Variants in RBM34 observed in about 807,000 individuals in gnomAD.
RBM34 encodes the protein RNA-binding protein 34.
Under a neutral mutation model 44.6 loss-of-function variants are expected in RBM34, and 39 were observed. The observed-to-expected ratio is 0.87, with a 90% CI of 0.68 to 1.14. The LOEUF (loss-of-function observed/expected upper bound fraction) is 1.14, where lower values mean the gene tolerates loss of function less well. RBM34 is among the 50% of genes most tolerant of loss of function. The pLI is 0.00. For synonymous variants in RBM34, 194 were observed against 184.0 expected (o/e 1.05, Z -0.44); for missense variants, 572 against 517.9 (o/e 1.10, Z -1.01).
intron 8 of RBM34, among the ~76,000 whole-genome samples, chr1:235,136,302 T>G (rs868665922): frequency 1.3e-5 from 2 of 152,078 alleles, no homozygotes; most frequent in Non-Finnish European, 2.9e-5. Flanking sequence ...TGACACACGG[T>G]AGGGATCAGG....
At chr1:235,155,488 C>A (rs200127571) in intron 3 of RBM34, among the ~76,000 whole-genome samples, 2 of 146,254 alleles carry the variant, frequency 1.4e-5, no homozygotes, top group East Asian at 4.0e-4. Context: ...ACCACAGGCG[C>A]ATGCCCCCAC....
At chr1:235,151,148 G>A (rs1662143297) in intron 5 of RBM34, among the ~76,000 whole-genome samples, 1 of 152,142 alleles carries the variant, frequency 6.6e-6, no homozygotes, top group Non-Finnish European at 1.5e-5. Flanking sequence ...AGAAAGGAAT[G>A]ACTCATATTA....
chr1:235,155,830 T>TATATATATATATAG (rs1662393503), intron 3 of RBM34, among the ~76,000 whole-genome samples: 1 of 18,214 alleles, frequency 5.5e-5, no homozygotes, highest in Non-Finnish European at 8.8e-5. Flanking sequence ...TACATATATA[T>TATATATATATATAG]ATATATATAT....
At chr1:235,142,520 C>G (rs897217708) in intron 6 of RBM34, among the ~76,000 whole-genome samples, 1 of 151,620 alleles carries the variant, frequency 6.6e-6, no homozygotes, top group Non-Finnish European at 1.5e-5. Context: ...CTCAGGTGAT[C>G]CGCCCACCTT....
chr1:235,144,559 C>T (rs1044077370), intron 6 of RBM34, among the ~76,000 whole-genome samples: 1 of 146,620 alleles, frequency 6.8e-6, no homozygotes, highest in African/African-American at 2.5e-5. Flanking sequence ...AAAAGTTTTA[C>T]ATGGCAAAAT....
At chr1:235,155,842 T>TATATATAC (rs1662401854) in intron 3 of RBM34, among the ~76,000 whole-genome samples, 2 of 26,314 alleles carry the variant, frequency 7.6e-5, no homozygotes, top group Non-Finnish European at 1.3e-4. Flanking sequence ...TATATATATA[T>TATATATAC]ATATATATAT....
chr1:235,131,785 A>C lies in RBM34; in HGVS notation c.1221T>G (p.Ala407=). The change falls in exon 11 of 11, where the codon GCT becomes GCG. Residue 407 remains alanine (A), a synonymous_variant. Transcript: ENST00000408888. The stretch of plus-strand genomic sequence containing the variant: ...CTTTCTTCTTCGTTTTAAGGAGAAC[A>C]GCTTTTTCTCCAATAAATAAGCTTT... ...HPKSLFIGEK[A]VLLKTKKKGQ... is the part of the protein sequence containing the mutation. The C allele has an allele frequency of 2.5e-6, 4 of 1,613,960 alleles. No homozygotes were observed. Among genetic ancestry groups the C allele is most frequent in the Non-Finnish European group, 3.4e-6 (4 of 1,179,950 alleles).
intron 3 of RBM34, among the ~76,000 whole-genome samples, chr1:235,155,782 G>C (rs1662378121): frequency 7.7e-6 from 1 of 130,132 alleles, no homozygotes; most frequent in South Asian, 2.3e-4. Context: ...TGGGACTAAA[G>C]GTGTGAGCCA....
chr1:235,142,107 A>G (rs1661709118), intron 6 of RBM34, among the ~76,000 whole-genome samples: 2 of 152,194 alleles, frequency 1.3e-5, no homozygotes, highest in South Asian at 4.1e-4. Context: ...GAGGTGGGAA[A>G]CATCCTCTGC....
At chr1:235,160,317 A>G (rs1232421247) in intron 3 of RBM34, 194 bp downstream of exon 3, 1 of 752,186 alleles carries the variant, frequency 1.3e-6, no homozygotes, top group East Asian at 2.7e-5. Context: ...AGGTTAGCCA[A>G]ATATTAGTAA....
At chr1:235,138,443 G>C (rs1352852648) in intron 6 of RBM34, among the ~76,000 whole-genome samples, 1 of 152,182 alleles carries the variant, frequency 6.6e-6, no homozygotes, top group African/African-American at 2.4e-5. Context: ...ATGAATCCCT[G>C]AGAACCATAC....
chr1:235,161,192 T>G lies in RBM34; in HGVS notation c.35A>C (p.Lys12Thr). The change falls in exon 1 of 11, where the codon AAG (lysine) becomes ACG (threonine). Residue 12 changes from lysine (K) to threonine (T), a missense_variant. Coordinates refer to ENST00000408888, the MANE Select transcript of RBM34 (RefSeq NM_015014.4). ...CACTCACCCCTCCTGGACACTTCTCTTTCTCTTCCGTTTGCTCATCCCTTC... is the reference window on the plus strand; with the variant it reads ...CACTCACCCCTCCTGGACACTTCTCGTTCTCTTCCGTTTGCTCATCCCTTC... ...ALEGMSKRKRKRSVQEGENPD... is the reference protein window; with the variant it reads ...ALEGMSKRKRTRSVQEGENPD... 6.2e-6 allele frequency: 10 copies of G among 1,609,306 alleles called. No individual in the cohort carries two copies. Among genetic ancestry groups the G allele is most frequent in the Non-Finnish European group, 8.5e-6 (10 of 1,177,080 alleles).
chr1:235,134,927 A>G (rs1661352889), intron 10 of RBM34, among the ~76,000 whole-genome samples: 1 of 150,544 alleles, frequency 6.6e-6, no homozygotes, highest in African/African-American at 2.4e-5. Context: ...TATTTTTAGT[A>G]GAGATGGGGT....
At chr1:235,139,270 G>A (rs2102831698) in intron 6 of RBM34, among the ~76,000 whole-genome samples, 1 of 152,268 alleles carries the variant, frequency 6.6e-6, no homozygotes, top group Non-Finnish European at 1.5e-5. Flanking sequence ...GGAAAATAGT[G>A]CCTGACATGA....
chr1:235,145,427 C>T (rs567234209), intron 6 of RBM34, among the ~76,000 whole-genome samples: 1 of 152,022 alleles, frequency 6.6e-6, no homozygotes, highest in African/African-American at 2.4e-5. Flanking sequence ...CAGGCGTGCA[C>T]CACCTTGCCC....
At chr1:235,148,570 A>T (rs1662012996) in intron 5 of RBM34, 123 bp from the exon 6 acceptor site, 1 of 670,730 alleles carries the variant, frequency 1.5e-6, no homozygotes, top group African/African-American at 1.9e-5. Context: ...CTAGGGAAAT[A>T]AACAAATCAG....
In RBM34 at chr1:235,143,232, C is replaced by T. The variant is rs565643955; in HGVS notation, c.702-5058G>A. On this transcript the variant is annotated intron_variant, in intron 6 of 10. Transcript: ENST00000408888. ...GCCAAGTGCTGGTGAGGATGTGAAG[C>T]AACTGACATTCTCATCGATAGCTGG... Among the ~76,000 whole-genome samples the T allele has an allele frequency of 8.5e-5, 13 of 152,278 alleles. No individual in the cohort carries two copies. The South Asian group carries it at 2.7e-3, about 32-fold the overall frequency.
At chr1:235,151,139 G>T (rs892860011) in intron 5 of RBM34, among the ~76,000 whole-genome samples, 2 of 152,178 alleles carry the variant, frequency 1.3e-5, no homozygotes, top group African/African-American at 4.8e-5. Flanking sequence ...AAGGAAAAAA[G>T]AAAGGAATGA....
At chr1:235,145,449 T>G (rs6672644) in intron 6 of RBM34, among the ~76,000 whole-genome samples, 24,985 of 151,878 alleles carry the variant, frequency 0.16, 2,316 homozygotes, top group African/African-American at 0.23. Context: ...GCTAATTTTT[T>G]TGTTTCTTTG....
Sources: gnomAD v4.1 joint callset for allele counts (sites outside exome capture counted in the v4.1 genomes callset) on GRCh38, gnomAD v4.1.1 for gene constraint, MANE v1.5 for transcripts, NCBI Gene and HGNC (gene_info 2026-07-23, HGNC 2026-07-21) for gene names.